FAM234B: variants seen among roughly 807,000 people sequenced by gnomAD.
FAM234B encodes protein FAM234B.
A neutral mutation model predicts 69.3 loss-of-function variants in FAM234B; 33 were observed. The ratio of observed to expected loss-of-function variants is 0.48; its 90% CI spans 0.36 to 0.64. The LOEUF is 0.64. FAM234B is among the 30% of genes least tolerant of loss of function. FAM234B has a pLI of 0.00. For missense variants in FAM234B, 697 were observed against 769.7 expected, an observed-to-expected ratio of 0.91 and a Z score of 1.12; for synonymous variants, 306 against 306.9, an observed-to-expected ratio of 1.00 and a Z score of 0.03.
At chr12:13,065,348 T>C (rs943630024) in intron 5 of FAM234B, among the ~76,000 whole-genome samples, 1 of 152,240 alleles carries the variant, frequency 6.6e-6, no homozygotes, top group Admixed American at 6.5e-5. Flanking sequence ...TCTTGATTTC[T>C]TTCCCTTTGC....
chr12:13,075,090 C>T (rs1247877878), intron 10 of FAM234B, among the ~76,000 whole-genome samples: 2 of 152,210 alleles, frequency 1.3e-5, no homozygotes, highest in African/African-American at 4.8e-5. Flanking sequence ...AAGATAGTCC[C>T]AATGTGCATT....
intron 2 of FAM234B, among the ~76,000 whole-genome samples, chr12:13,057,384 T>G (rs1455082023): frequency 6.6e-6 from 1 of 152,208 alleles, no homozygotes; most frequent in Non-Finnish European, 1.5e-5. Flanking sequence ...TACTGTCTGA[T>G]TTTTCCATGG....
Position 13,071,262 on chromosome 12 carries a change from T to A in FAM234B, c.1390T>A (p.Ser464Thr), listed in dbSNP as rs149459537. Residue 464 changes from serine to threonine, a missense_variant, in exon 10 of 13, where the codon TCT becomes ACT. Coordinates refer to ENST00000197268, the MANE Select transcript of FAM234B (RefSeq NM_020853.2). ...MKKMMVVDGD[S>T]GSIVWSYRAP... ...GTAGATGATGGTTGTGGATGGTGAC[T>A]CTGGCTCCATTGTTTGGAGTTACCG... The A allele has an allele frequency of 7.9e-5, 127 of 1,614,092 alleles. No individual in the cohort carries two copies. Among genetic ancestry groups the A allele is most frequent in the Non-Finnish European group, 1.0e-4 (120 of 1,180,032 alleles).
intron 1 of FAM234B, among the ~76,000 whole-genome samples, chr12:13,045,437 A>G (rs73292787): frequency 0.02 from 3,036 of 152,276 alleles, 108 homozygotes; most frequent in African/African-American, 0.069. Flanking sequence ...TTTCATAGCT[A>G]TCTCTAGAGA....
chr12:13,068,770 A>T (rs1418970656), intron 9 of FAM234B, 59 bp downstream of exon 9: 2 of 1,150,012 alleles, frequency 1.7e-6, no homozygotes, highest in African/African-American at 3.1e-5. Context: ...TTTGTGTCCA[A>T]CCCTGTGTTA....
Position 13,067,071 on chromosome 12 carries a change from G to T in FAM234B, c.1001-84G>T. ...GGCTCTGTTAGACCCATCTGGTCAGGCTCTGTGTCTCTTGCTCAGATCCTC... is the reference window on the plus strand; with the variant it reads ...GGCTCTGTTAGACCCATCTGGTCAGTCTCTGTGTCTCTTGCTCAGATCCTC... On this transcript the variant is annotated intron_variant, in intron 6 of 12. Coordinates refer to ENST00000197268, the MANE Select transcript of FAM234B (RefSeq NM_020853.2). This position sits in a 1 kb window ranked among gnomAD's most constrained non-coding sequence, Gnocchi z 4.7. 2 of 1,524,048 alleles carry T rather than the reference G, an allele frequency of 1.3e-6. No homozygotes were observed. Among genetic ancestry groups the T allele is most frequent in the South Asian group, 2.3e-5 (2 of 85,604 alleles). 94.4% of individuals were successfully genotyped at this position (1,524,048 alleles called of 1,614,324 possible).
intron 2 of FAM234B, 57 bp downstream of exon 2, chr12:13,056,003 C>T (rs2120457960): frequency 6.9e-7 from 1 of 1,455,928 alleles, no homozygotes; most frequent in East Asian, 2.4e-5. Flanking sequence ...TGTCTGATTA[C>T]ATTTAAATTT....
At chr12:13,066,588 T>C (rs1865038920) in intron 5 of FAM234B, 52 bp from the exon 6 acceptor site, 1 of 1,528,858 alleles carries the variant, frequency 6.5e-7, no homozygotes, top group Non-Finnish European at 8.8e-7. Flanking sequence ...GCCATTTCAT[T>C]AGCAAACGAT....
chr12:13,068,266 A>C, intron 7 of FAM234B, 38 bp from the exon 8 acceptor site: 1 of 1,612,938 alleles, frequency 6.2e-7, no homozygotes, highest in Non-Finnish European at 8.5e-7. Flanking sequence ...AATCTCATCC[A>C]AGCCAGAGAC....
chr12:13,080,768 G>A lies in FAM234B; in HGVS notation c.*138G>A. On this transcript the variant is annotated 3_prime_UTR_variant, in exon 13 of 13. Transcript: ENST00000197268. The stretch of plus-strand genomic sequence containing the variant: ...ACCTCCCTGATGGTTGCAAAGGCTT[G>A]GGAAGGCATGTTGGAGTCTTTGACG... 1.4e-6 allele frequency: 1 copy of A among 702,020 alleles called. No homozygotes were observed. Among genetic ancestry groups the A allele is most frequent in the East Asian group, 2.8e-5 (1 of 35,718 alleles). The allele number at this position is 702,020 out of a possible 1,614,324, so 43.5% of individuals were successfully genotyped here. A position where few individuals can be genotyped will look rare whatever the true frequency, so the allele number is the denominator to read the frequency against.
rs772381456 is a variant in FAM234B at position 13,068,338 on chromosome 12, C to G, written c.1177C>G (p.Pro393Ala). Residue 393 changes from proline (P) to alanine (A), a missense_variant, in exon 8 of 13, where the codon CCA (proline) becomes GCA (alanine). Around this residue, in one of 3 missense-constraint regions of FAM234B, gnomAD observed 313 missense variants for 305.5 expected, o/e 1.02. Transcript: ENST00000197268. ...GVELLQMVKA[P>A]DSNCSNLLIT... ...TGAACTACTCCAGATGGTGAAGGCA[C>G]CAGATTCCAACTGCAGCAACCTTCT... The G allele has an allele frequency of 6.2e-7, 1 of 1,614,046 alleles. No individual in the cohort carries two copies. Among genetic ancestry groups the G allele is most frequent in the Non-Finnish European group, 8.5e-7 (1 of 1,180,018 alleles).
intron 3 of FAM234B, among the ~76,000 whole-genome samples, chr12:13,061,130 G>C (rs141792920): frequency 2.6e-4 from 39 of 152,262 alleles, no homozygotes; most frequent in African/African-American, 9.4e-4. Context: ...TCATGTTTCC[G>C]AGCATATCTT....
chr12:13,062,755 C>T (rs1864996965), intron 4 of FAM234B, 90 bp from the exon 5 acceptor site: 6 of 1,425,190 alleles, frequency 4.2e-6, no homozygotes, highest in South Asian at 2.6e-5. Flanking sequence ...CAGCCCCTTG[C>T]GTCTTTCTTT....
intron 6 of FAM234B, 146 bp downstream of exon 6, chr12:13,066,933 C>A: frequency 1.0e-6 from 1 of 972,898 alleles, no homozygotes; most frequent in Admixed American, 2.7e-5. Context: ...TGTCCCCCAC[C>A]GATCACAGGC....
intron 11 of FAM234B, among the ~76,000 whole-genome samples, chr12:13,078,821 C>G (rs1213036302): frequency 6.6e-6 from 1 of 151,942 alleles, no homozygotes; most frequent in Admixed American, 6.6e-5. Context: ...ACCTAGGAAT[C>G]CAACTTACAA....
In FAM234B at chr12:13,055,606, T is replaced by C. The variant is rs775878773; in HGVS notation, c.93T>C (p.Asp31=). Residue 31 remains aspartate (D), a synonymous_variant, in exon 2 of 13, where the codon GAT becomes GAC. Transcript: ENST00000197268. The part of the protein sequence containing the change: ...EYDPLTQADS[D]ESEDDLVLNL... The stretch of plus-strand genomic sequence containing the variant: ...ATCCACTTACCCAGGCTGACAGTGA[T>C]GAGAGCGAAGACGATCTGGTGCTTA... 2.5e-6 allele frequency: 4 copies of C among 1,613,598 alleles called. No homozygotes were observed. Among genetic ancestry groups the C allele is most frequent in the Non-Finnish European group, 3.4e-6 (4 of 1,179,654 alleles).
At chr12:13,072,689 A>C (rs10845703) in intron 10 of FAM234B, among the ~76,000 whole-genome samples, 37,827 of 150,578 alleles carry the variant, frequency 0.25, 5,810 homozygotes, top group East Asian at 0.57. Context: ...GAGATCATGC[A>C]ATTGCACTCC....
At chr12:13,062,619 G>A (rs1864995736) in intron 4 of FAM234B, 1 of 420,696 alleles carries the variant, frequency 2.4e-6, no homozygotes, top group South Asian at 4.0e-5. Context: ...AAAAATCTAG[G>A]TGAGAAATCA....
chr12:13,053,430 G>T (rs146658046), intron 1 of FAM234B, among the ~76,000 whole-genome samples: 2 of 152,018 alleles, frequency 1.3e-5, no homozygotes, highest in South Asian at 2.1e-4. Flanking sequence ...AGTGTTGGCC[G>T]GTCTGAGAAA....
Sources: gnomAD v4.1 joint callset for allele counts (sites outside exome capture counted in the v4.1 genomes callset) on GRCh38, gnomAD v4.1.1 for gene constraint, gnomAD v4.1.1 regional missense constraint, Gnocchi (gnomAD v3.1) non-coding constraint, MANE v1.5 for transcripts, NCBI Gene and HGNC (gene_info 2026-07-23, HGNC 2026-07-21) for gene names.